PCDHGA9: variants seen among roughly 807,000 people sequenced by gnomAD.
The protein encoded by PCDHGA9 is protocadherin gamma subfamily A, 9, also known as protocadherin gamma-A9.
PCDHGA9 carries 37 observed loss-of-function variants against 62.5 expected under a neutral mutation model. The observed-to-expected ratio is 0.59, with a 90% confidence interval of 0.46 to 0.78. The LOEUF is 0.78. PCDHGA9 is among the 30% of genes least tolerant of loss of function. The pLI is 0.00. For missense variants in PCDHGA9, 1,138 were observed against 1,166.2 expected (o/e 0.98, Z 0.35); for synonymous variants, 459 against 484.6 (o/e 0.95, Z 0.69).
rs1193417991 is a variant in PCDHGA9 at position 141,491,413 on chromosome 5, G to C, written c.2425-3394G>C. 5.0e-6 allele frequency: 8 copies of C among 1,613,946 alleles called. No individual in the cohort carries two copies. Among genetic ancestry groups the C allele is most frequent in the African/African-American group, 1.3e-5 (1 of 74,906 alleles). ...CCTTCAGGGAAACGCAGACGGGGAC[G>C]GGGGTGGAGGGCAGTGCTGCAGGCG... On this transcript the variant is annotated intron_variant, in intron 1 of 3. Transcript: ENST00000573521. The surrounding 1 kb of genome is among the most constrained non-coding windows in gnomAD (Gnocchi z 6.9).
chr5:141,457,574 T>C (rs992522039), intron 1 of PCDHGA9, among the ~76,000 whole-genome samples: 2 of 152,238 alleles, frequency 1.3e-5, no homozygotes, highest in Non-Finnish European at 2.9e-5. Context: ...AAAATTTTTC[T>C]CTCCAGTCCT....
intron 1 of PCDHGA9, among the ~76,000 whole-genome samples, chr5:141,481,913 CAAAAAAAAA>C (rs34114744): frequency 1.1e-5 from 1 of 90,852 alleles, no homozygotes; most frequent in Non-Finnish European, 2.2e-5. Flanking sequence ...AACTCCATCT[CAAAAAAAAA>C]AAAAAAAAAA....
Position 141,418,737 on chromosome 5 carries a change from C to T in PCDHGA9, c.2424+13361C>T, listed in dbSNP as rs768683069. 7.4e-6 allele frequency: 12 copies of T among 1,613,960 alleles called. No homozygotes were observed. The South Asian group carries it at 1.3e-4, about 18-fold the overall frequency. ...GCTGACAAAGCTCAGCACGTGTTCT[C>T]TCTGGATTACACTACAGGAAACATT... On this transcript the variant is annotated intron_variant, in intron 1 of 3. Coordinates refer to ENST00000573521, the MANE Select transcript of PCDHGA9 (RefSeq NM_018921.3).
rs761468303 is a variant in PCDHGA9 at position 141,421,659 on chromosome 5, T to C, written c.2424+16283T>C. 4 of 1,613,700 alleles carry C rather than the reference T, an allele frequency of 2.5e-6. No individual in the cohort carries two copies. The Admixed American group carries it at 6.7e-5, about 27-fold the overall frequency. On this transcript the variant is annotated intron_variant, in intron 1 of 3. Transcript: ENST00000573521. ...AGGACGAAGTGGAGATAAAAGTCAG[T>C]GAGCACGCAATTCCTGGGGCGCGAT...
rs780241180 is a variant in PCDHGA9, at chr5:141,490,819, C to A, written c.2425-3988C>A. On this transcript the variant is annotated intron_variant, in intron 1 of 3. Transcript: ENST00000573521. The surrounding 1 kb of genome is among the most constrained non-coding windows in gnomAD (Gnocchi z 5.4). ...CCAGCGTACCTTTGACTATGAATTGCTGCAGATGCTGCAGATTGTGGTGGG... is the reference window on the plus strand; with the variant it reads ...CCAGCGTACCTTTGACTATGAATTGATGCAGATGCTGCAGATTGTGGTGGG... 3 of 1,613,842 alleles carry A rather than the reference C, an allele frequency of 1.9e-6. No individual in the cohort carries two copies. The highest frequency in any genetic ancestry group is 2.5e-6 in the Non-Finnish European group (3 of 1,179,804).
At chr5:141,409,201 A>G (rs2095240333) in intron 1 of PCDHGA9, 1 of 1,614,044 alleles carries the variant, frequency 6.2e-7, no homozygotes, top group Non-Finnish European at 8.5e-7. Flanking sequence ...AGTGTAAAGT[A>G]ATCATAGAAA....
At chr5:141,471,095 C>T (rs1266802067) in intron 1 of PCDHGA9, among the ~76,000 whole-genome samples, 1 of 144,764 alleles carries the variant, frequency 6.9e-6, no homozygotes, top group East Asian at 2.0e-4. Context: ...GTTGTCCAGG[C>T]TAGAGTGCAG....
At position 141,463,610 on chromosome 5, in the gene PCDHGA9, G is replaced by T. The variant is rs189991450; in HGVS notation, c.2425-31197G>T. Among the ~76,000 whole-genome samples, 263 of 151,786 alleles carry T rather than the reference G, an allele frequency of 1.7e-3. 1 individual carries two copies. The highest frequency in any genetic ancestry group is 3.4e-3 in the Middle Eastern group (1 of 292). ...ACTACAGGTGCCTGCCACCATGCCC[G>T]GCTAATTTTTTGTATTTTGTTTAGT... On this transcript the variant is annotated intron_variant, in intron 1 of 3. Transcript: ENST00000573521.
At chr5:141,459,694 T>A (rs767389870) in intron 1 of PCDHGA9, among the ~76,000 whole-genome samples, 1 of 152,252 alleles carries the variant, frequency 6.6e-6, no homozygotes, top group Non-Finnish European at 1.5e-5. Context: ...AGCGTTCCGC[T>A]TGCTACATTT....
In PCDHGA9 at chr5:141,486,610, C is replaced by G; in HGVS notation, c.2425-8197C>G. 6.2e-7 allele frequency: 1 copy of G among 1,613,620 alleles called. No homozygotes were observed. The highest frequency in any genetic ancestry group is 8.5e-7 in the Non-Finnish European group (1 of 1,180,038). On this transcript the variant is annotated intron_variant, in intron 1 of 3. Coordinates refer to ENST00000573521, the MANE Select transcript of PCDHGA9 (RefSeq NM_018921.3). This position sits in a 1 kb window ranked among gnomAD's most constrained non-coding sequence, Gnocchi z 5.0. ...GGGACCTGCTTTGCTCCCTTGCAGC[C>G]TCTGACCCAGACTCTGGCTTGAATG...
intron 1 of PCDHGA9, among the ~76,000 whole-genome samples, chr5:141,446,824 A>T (rs973108119): frequency 1.3e-5 from 2 of 152,156 alleles, no homozygotes; most frequent in African/African-American, 4.8e-5. Flanking sequence ...AGATGGGTAG[A>T]TCCTTATAAG....
chr5:141,419,137 CA>C (rs1561778370), intron 1 of PCDHGA9: 1 of 1,613,892 alleles, frequency 6.2e-7, no homozygotes, highest in African/African-American at 1.3e-5. Flanking sequence ...CAGCCACAGA[CA>C]GGGGCAAGCC....
At chr5:141,435,180 C>G (rs1341148119) in intron 1 of PCDHGA9, among the ~76,000 whole-genome samples, 1 of 152,074 alleles carries the variant, frequency 6.6e-6, no homozygotes, top group African/African-American at 2.4e-5. Context: ...TTTAACTACA[C>G]TTGAGATGGC....
chr5:141,488,793 C>G (rs1274193018), intron 1 of PCDHGA9, among the ~76,000 whole-genome samples: 1 of 152,172 alleles, frequency 6.6e-6, no homozygotes, highest in African/African-American at 2.4e-5. Context: ...TTTGTCTTCC[C>G]TGTTGAGTAC....
At position 141,431,118 on chromosome 5, in the gene PCDHGA9, A is replaced by C; in HGVS notation, c.2424+25742A>C. On this transcript the variant is annotated intron_variant, in intron 1 of 3. Coordinates refer to ENST00000573521, the MANE Select transcript of PCDHGA9 (RefSeq NM_018921.3). The surrounding 1 kb of genome is among the most constrained non-coding windows in gnomAD (Gnocchi z 4.8). ...GATAAAGTGAAAATATATGGAGTAG[A>C]AGTAGAAGTAAGGGACATTAACGAC... 6.2e-7 allele frequency: 1 copy of C among 1,614,182 alleles called. No individual in the cohort carries two copies. Among genetic ancestry groups the C allele is most frequent in the Non-Finnish European group, 8.5e-7 (1 of 1,179,974 alleles).
intron 2 of PCDHGA9, among the ~76,000 whole-genome samples, chr5:141,499,575 T>TCCCTA (rs2099792820): frequency 1.3e-5 from 2 of 152,202 alleles, no homozygotes; most frequent in Non-Finnish European, 2.9e-5. Context: ...CTTCAACTAA[T>TCCCTA]GCCTTATCTT....
At chr5:141,410,619 C>G in intron 1 of PCDHGA9, 1 of 1,603,732 alleles carries the variant, frequency 6.2e-7, no homozygotes, top group Admixed American at 1.7e-5. Context: ...ACTCTGACTT[C>G]GGTGAGTTTC....
intron 3 of PCDHGA9, among the ~76,000 whole-genome samples, chr5:141,506,484 C>T (rs1489425559): frequency 6.6e-6 from 1 of 150,566 alleles, no homozygotes; most frequent in Non-Finnish European, 1.5e-5. Context: ...GCTTTAGAGG[C>T]AGGCCAATCT....
chr5:141,478,481 C>A, intron 1 of PCDHGA9: 1 of 1,613,576 alleles, frequency 6.2e-7, no homozygotes, highest in South Asian at 1.1e-5. Flanking sequence ...CCAGAACACG[C>A]TGCGGAGCTG....
Sources: allele counts gnomAD v4.1 joint callset (sites outside exome capture counted in the v4.1 genomes callset), GRCh38; gene constraint gnomAD v4.1.1; non-coding constraint Gnocchi (gnomAD v3.1); transcripts MANE v1.5; gene names NCBI Gene and HGNC (gene_info 2026-07-23, HGNC 2026-07-21).